LRRC37A2: variants seen among roughly 807,000 people sequenced by gnomAD.
The protein encoded by LRRC37A2 is leucine-rich repeat-containing protein 37A2.
In LRRC37A2, 9 loss-of-function variants were observed where a neutral mutation model predicts 68.8. The ratio of observed to expected loss-of-function variants is 0.13; its 90% CI spans 0.08 to 0.23. The LOEUF is 0.23. Among genes scored for constraint, LRRC37A2 ranks in the 10% least tolerant of loss-of-function variants. The pLI, the probability that LRRC37A2 is intolerant of heterozygous loss-of-function variation, is 1.00. For synonymous variants in LRRC37A2, 63 were observed against 367.6 expected (o/e 0.17, Z 9.48); for missense variants, 168 against 950.4 (o/e 0.18, Z 10.82).
chr17:46,867,547 G>A, the LRRC37A2 span, among the ~76,000 whole-genome samples: 3 of 152,274 alleles, frequency 2.0e-5, no homozygotes, highest in Non-Finnish European at 4.4e-5. Flanking sequence ...CCAGGCAGGG[G>A]GTGGGTGATT....
chr17:46,541,151 A>G (rs1401140740), intron 8 of LRRC37A2, among the ~76,000 whole-genome samples: 2 of 137,648 alleles, frequency 1.5e-5, no homozygotes, highest in East Asian at 4.2e-4. Flanking sequence ...TTAGCTACTA[A>G]TCTGATTTCT....
At chr17:46,760,432 AC>A in the LRRC37A2 span, among the ~76,000 whole-genome samples, 2 of 151,624 alleles carry the variant, frequency 1.3e-5, no homozygotes, top group Admixed American at 1.3e-4. Flanking sequence ...GGAGTTCAAG[AC>A]CAGCCTGAGC....
chr17:46,816,119 A>ACACACACACGCACGCACG, the LRRC37A2 span, among the ~76,000 whole-genome samples: 84 of 150,664 alleles, frequency 5.6e-4, 2 homozygotes, highest in Admixed American at 3.5e-3. Context: ...ACGTACACAC[A>ACACACACACGCACGCACG]CACACACACA....
the LRRC37A2 span, chr17:46,770,014 G>A: frequency 4.4e-6 from 7 of 1,585,036 alleles, no homozygotes; most frequent in African/African-American, 2.7e-5. Flanking sequence ...CGCCGGCCGA[G>A]GCGATGGCGT....
the LRRC37A2 span, among the ~76,000 whole-genome samples, chr17:47,034,517 T>C: frequency 1.3e-5 from 2 of 152,034 alleles, no homozygotes; most frequent in Admixed American, 1.3e-4. Flanking sequence ...AGTGAGAGAA[T>C]TTTGGAGGAA....
the LRRC37A2 span, among the ~76,000 whole-genome samples, chr17:47,026,960 G>A: frequency 6.6e-6 from 1 of 152,154 alleles, no homozygotes; most frequent in African/African-American, 2.4e-5. Context: ...GCCCAGGCTG[G>A]AGTGCAGTGG....
At chr17:46,978,560 GGCAGAGC>G in the LRRC37A2 span, 2 of 1,455,826 alleles carry the variant, frequency 1.4e-6, no homozygotes, top group Admixed American at 5.1e-5. Flanking sequence ...CGGAGGCGGC[GGCAGAGC>G]GCAGAGAGCG....
chr17:46,892,983 C>G, the LRRC37A2 span, among the ~76,000 whole-genome samples: 1 of 151,838 alleles, frequency 6.6e-6, no homozygotes, highest in African/African-American at 2.4e-5. Flanking sequence ...GTTGCCCAGG[C>G]TGGAGTGCAT....
the LRRC37A2 span, among the ~76,000 whole-genome samples, chr17:46,502,679 A>G: frequency 2.6e-5 from 4 of 151,436 alleles, no homozygotes; most frequent in African/African-American, 9.8e-5. Context: ...AAAAGAGAAT[A>G]ATGTTTTAAA....
At chr17:46,997,696 G>A in the LRRC37A2 span, among the ~76,000 whole-genome samples, 3 of 152,170 alleles carry the variant, frequency 2.0e-5, no homozygotes, top group Non-Finnish European at 4.4e-5. Context: ...AAGGCTAGGT[G>A]TGGTGGCTCA....
At chr17:47,003,243 CAAAAAAAAAAAA>C in the LRRC37A2 span, among the ~76,000 whole-genome samples, 1 of 73,244 alleles carries the variant, frequency 1.4e-5, no homozygotes, top group Admixed American at 1.6e-4. Context: ...AATAGAGACT[CAAAAAAAAAAAA>C]AAAAAAAAAA....
chr17:46,992,002 T>A, the LRRC37A2 span, among the ~76,000 whole-genome samples: 2 of 152,202 alleles, frequency 1.3e-5, no homozygotes, highest in Non-Finnish European at 2.9e-5. Context: ...AAGCTAAATG[T>A]CCAAGAAAGT....
the LRRC37A2 span, among the ~76,000 whole-genome samples, chr17:46,746,341 A>G: frequency 1.3e-5 from 2 of 152,198 alleles, no homozygotes; most frequent in Non-Finnish European, 2.9e-5. Flanking sequence ...TTTGATCTGC[A>G]TTGGTTTATG....
the LRRC37A2 span, among the ~76,000 whole-genome samples, chr17:46,909,088 GT>G: frequency 6.6e-6 from 1 of 152,224 alleles, no homozygotes; most frequent in African/African-American, 2.4e-5. Context: ...GTCTCACTCT[GT>G]CACCCAGGCT....
the LRRC37A2 span, among the ~76,000 whole-genome samples, chr17:46,772,524 C>A: frequency 6.6e-6 from 1 of 152,174 alleles, no homozygotes; most frequent in African/African-American, 2.4e-5. Context: ...CCGACAAGAA[C>A]GAGTTTGAAA....
chr17:47,001,717 C>CTTTTTTT, the LRRC37A2 span, among the ~76,000 whole-genome samples: 83 of 108,602 alleles, frequency 7.6e-4, no homozygotes, highest in Non-Finnish European at 1.2e-3. Context: ...CTCTTTTTTC[C>CTTTTTTT]TTTTTTTTTT....
At chr17:46,544,814 A>C (rs1387114774) in intron 8 of LRRC37A2, among the ~76,000 whole-genome samples, 4 of 120,616 alleles carry the variant, frequency 3.3e-5, no homozygotes, top group African/African-American at 1.4e-4. Context: ...GAAAAAATTC[A>C]AACAAGCCAG....
chr17:46,797,573 G>A, the LRRC37A2 span, among the ~76,000 whole-genome samples: 1 of 152,164 alleles, frequency 6.6e-6, no homozygotes, highest in Non-Finnish European at 1.5e-5. Flanking sequence ...CAACCTCTTT[G>A]GAAAACAGTT....
the LRRC37A2 span, among the ~76,000 whole-genome samples, chr17:47,033,953 C>T: frequency 4.6e-5 from 7 of 152,254 alleles, no homozygotes; most frequent in East Asian, 5.8e-4. Flanking sequence ...ACCAAAAAGG[C>T]GATGGACTGG....
Sources: allele counts gnomAD v4.1 joint callset (sites outside exome capture counted in the v4.1 genomes callset), GRCh38; gene constraint gnomAD v4.1.1; transcripts MANE v1.5; gene names NCBI Gene and HGNC (gene_info 2026-07-23, HGNC 2026-07-21).